The following HDAC9 variants were observed in gnomAD, a reference collection of about 807,000 sequenced individuals.
The protein encoded by HDAC9 is MEF-2 interacting transcription repressor (MITR) protein.
In HDAC9, 41 loss-of-function variants were observed where a neutral mutation model predicts 139.4. That is an observed-to-expected ratio of 0.29 (90% CI 0.23 to 0.38). HDAC9 has a LOEUF of 0.38. Among genes scored for constraint, HDAC9 ranks in the 10% least tolerant of loss-of-function variants. The pLI is 1.00. For synonymous variants in HDAC9, 517 were observed against 476.2 expected, an observed-to-expected ratio of 1.09 and a Z score of -1.12; for missense variants, 1,147 against 1,297.0, an observed-to-expected ratio of 0.88 and a Z score of 1.78.
intron 2 of HDAC9, among the ~76,000 whole-genome samples, chr7:18,191,413 T>C (rs1303510001): frequency 6.6e-6 from 1 of 152,224 alleles, no homozygotes; most frequent in Non-Finnish European, 1.5e-5. Context: ...CTTATCACTC[T>C]GTATCATAAT....
At chr7:18,230,186 A>G (rs1192656005) in intron 2 of HDAC9, among the ~76,000 whole-genome samples, 4 of 152,220 alleles carry the variant, frequency 2.6e-5, no homozygotes, top group Non-Finnish European at 4.4e-5. Flanking sequence ...ATCCTAAAAC[A>G]AGAAACTTAG....
At position 18,411,460 on chromosome 7, in the gene HDAC9, C is replaced by T. The variant is rs544212570; in HGVS notation, c.-41-84802C>T. On this transcript the variant is annotated intron_variant, in intron 1 of 3. Coordinates refer to the HDAC9 transcript ENST00000413509. ...CGTGATTTTGGCTCACTGCAGCCTC[C>T]GCCTACTGGGTTCAAGCGATCCTCC... Among the ~76,000 whole-genome samples, 272 of 152,208 alleles carry T rather than the reference C, an allele frequency of 1.8e-3. 4 individuals carry two copies. In the South Asian group the frequency reaches 0.05, roughly 28 times the overall value.
intron 2 of HDAC9, among the ~76,000 whole-genome samples, chr7:18,560,225 C>T (rs1820158261): frequency 6.6e-6 from 1 of 152,122 alleles, no homozygotes; most frequent in Admixed American, 6.5e-5. Context: ...AGATATTGAG[C>T]ATGGACCATA....
At chr7:18,458,248 T>A (rs137930435) in intron 1 of HDAC9, among the ~76,000 whole-genome samples, 88 of 152,246 alleles carry the variant, frequency 5.8e-4, no homozygotes, top group Non-Finnish European at 1.0e-3. Flanking sequence ...AAGAATGTAT[T>A]GAAATGAAAA....
intron 2 of HDAC9, among the ~76,000 whole-genome samples, chr7:18,183,859 T>A (rs1039221792): frequency 1.3e-5 from 2 of 152,210 alleles, no homozygotes; most frequent in Non-Finnish European, 2.9e-5. Context: ...CTGTTGAGTG[T>A]CTTTCTCCTC....
intron 21 of HDAC9, 123 bp downstream of exon 21, chr7:18,836,120 A>T: frequency 1.7e-6 from 1 of 578,592 alleles, no homozygotes; most frequent in Non-Finnish European, 3.0e-6. Context: ...AAGCCACATA[A>T]GAATATGTAT....
chr7:18,954,674 G>T (rs897905837), intron 24 of HDAC9, among the ~76,000 whole-genome samples: 1 of 151,962 alleles, frequency 6.6e-6, no homozygotes, highest in Admixed American at 6.6e-5. Context: ...AACAAAGCAG[G>T]GTTAAGTCAT....
intron 2 of HDAC9, among the ~76,000 whole-genome samples, chr7:18,190,395 G>A (rs779440381): frequency 2.0e-5 from 3 of 152,140 alleles, no homozygotes; most frequent in Non-Finnish European, 4.4e-5. Flanking sequence ...GAATATATGT[G>A]CTTAGGGATA....
intron 2 of HDAC9, among the ~76,000 whole-genome samples, chr7:18,513,122 A>G (rs1415865500): frequency 6.6e-6 from 1 of 152,220 alleles, no homozygotes; most frequent in African/African-American, 2.4e-5. Context: ...CTATGTTTGC[A>G]ATACTGTTGT....
In HDAC9 at chr7:19,001,856, G is replaced by C. The variant is rs1305184812; in HGVS notation, c.*5794G>C. The C allele has an allele frequency of 6.6e-6, 1 of 152,056 alleles. No homozygotes were observed. Among genetic ancestry groups the C allele is most frequent in the African/African-American group, 2.4e-5 (1 of 41,428 alleles). 9.4% of individuals were successfully genotyped at this position (152,056 alleles called of 1,614,324 possible). A position where few individuals can be genotyped will look rare whatever the true frequency, so the allele number is the denominator to read the frequency against. Reference sequence around the variant, plus strand: ...AAATATCCTGATATTTTTAAATAAGGTGAGCAGGGCAGGCAGGAAACCAAT... The same window carrying C: ...AAATATCCTGATATTTTTAAATAAGCTGAGCAGGGCAGGCAGGAAACCAAT... On this transcript the variant is annotated 3_prime_UTR_variant, in exon 26 of 26. Coordinates refer to ENST00000686413, the MANE Select transcript of HDAC9 (RefSeq NM_178425.4).
intron 17 of HDAC9, among the ~76,000 whole-genome samples, chr7:18,797,063 C>T (rs1337463415): frequency 6.6e-6 from 1 of 152,192 alleles, no homozygotes; most frequent in East Asian, 1.9e-4. Context: ...AACTGCTACT[C>T]ATTGAGTGCC....
At chr7:18,438,059 GTATA>G (rs911244029) in intron 1 of HDAC9, among the ~76,000 whole-genome samples, 2 of 150,052 alleles carry the variant, frequency 1.3e-5, no homozygotes, top group African/African-American at 4.9e-5. Context: ...ATATAAAGTG[GTATA>G]TATATAAAGT....
chr7:18,874,484 C>G lies in HDAC9; in HGVS notation c.2691C>G (p.Ile897Met). Residue 897 changes from isoleucine to methionine, a missense_variant, in exon 22 of 26, where the codon ATC (isoleucine) becomes ATG (methionine). Ile to Met is a conservative substitution (Grantham distance 10). Coordinates refer to ENST00000686413, the MANE Select transcript of HDAC9 (RefSeq NM_178425.4). ...DVEYLEAFRT[I>M]VKPVAKEFDP... is the part of the protein sequence containing the mutation. ...TTGCATTTTTACTGTGCAGGACCAT[C>G]GTGAAGCCTGTGGCCAAAGAGTTTG... is the stretch of plus-strand genomic sequence containing the variant. 6.3e-7 allele frequency: 1 copy of G among 1,580,528 alleles called. No individual in the cohort carries two copies. The highest frequency in any genetic ancestry group is 8.6e-7 in the Non-Finnish European group (1 of 1,161,224).
intron 25 of HDAC9, among the ~76,000 whole-genome samples, chr7:18,987,052 C>T (rs1001256609): frequency 2.7e-4 from 41 of 152,216 alleles, no homozygotes; most frequent in African/African-American, 9.6e-4. Context: ...AATTGAATAC[C>T]CTTTATTTCC....
chr7:18,850,497 C>T (rs1797207591), intron 21 of HDAC9, among the ~76,000 whole-genome samples: 1 of 152,138 alleles, frequency 6.6e-6, no homozygotes, highest in South Asian at 2.1e-4. Flanking sequence ...CTGAGCCAAA[C>T]ATAATGAAGA....
intron 23 of HDAC9, among the ~76,000 whole-genome samples, chr7:18,952,099 C>G (rs1585394120): frequency 6.6e-6 from 1 of 151,920 alleles, no homozygotes; most frequent in South Asian, 2.1e-4. Flanking sequence ...AGGTTAAATC[C>G]TCTAAATGAC....
At chr7:18,736,218 C>T (rs1275049004) in intron 13 of HDAC9, among the ~76,000 whole-genome samples, 1 of 152,128 alleles carries the variant, frequency 6.6e-6, no homozygotes, top group East Asian at 1.9e-4. Context: ...TAATTGAATA[C>T]CCTTTATTTC....
chr7:18,819,023 T>C (rs3852252), intron 17 of HDAC9, among the ~76,000 whole-genome samples: 17,097 of 152,164 alleles, frequency 0.11, 1,037 homozygotes, highest in South Asian at 0.19. Flanking sequence ...CTCATGCCTG[T>C]AATGCCAGCA....
rs1046321210 is a variant in HDAC9 at position 18,507,961 on chromosome 7, G to A, written c.22+11637G>A. On this transcript the variant is annotated intron_variant, in intron 2 of 25. Transcript: ENST00000686413. ...CATCCTGACCACTCTTTTAATGAGC[G>A]GGTCGAAGACTTTGGAAGATGAAAT... Among the ~76,000 whole-genome samples the A allele has an allele frequency of 1.1e-4, 17 of 152,276 alleles. No individual in the cohort carries two copies. In the East Asian group the frequency reaches 3.1e-3, roughly 28 times the overall value.
Sources: allele counts gnomAD v4.1 joint callset (sites outside exome capture counted in the v4.1 genomes callset), GRCh38; gene constraint gnomAD v4.1.1; transcripts MANE v1.5; gene names NCBI Gene and HGNC (gene_info 2026-07-23, HGNC 2026-07-21).